DMGDH: variants seen among roughly 807,000 people sequenced by gnomAD.
DMGDH encodes dimethylglycine dehydrogenase, mitochondrial.
In DMGDH, 76 loss-of-function variants were observed where a neutral mutation model predicts 95.2. That is an observed-to-expected ratio of 0.80 (90% CI 0.66 to 0.97). DMGDH has a LOEUF of 0.97. Among genes scored for constraint, DMGDH ranks in the 50% least tolerant of loss-of-function variants. The probability of loss-of-function intolerance (pLI) is 0.00; values close to 1 mark genes in which losing one functional copy is unlikely to be tolerated. For missense variants in DMGDH, 987 were observed against 1,055.0 expected, an observed-to-expected ratio of 0.94 and a Z score of 0.89; for synonymous variants, 345 against 377.6, an observed-to-expected ratio of 0.91 and a Z score of 1.00.
At chr5:79,052,834 C>T (rs1422836916) in intron 4 of DMGDH, among the ~76,000 whole-genome samples, 1 of 152,176 alleles carries the variant, frequency 6.6e-6, no homozygotes, top group Non-Finnish European at 1.5e-5. Context: ...CAACTATAGA[C>T]AAGGGAGTGC....
In DMGDH at chr5:79,028,654, C is replaced by T. The variant is rs367920866; in HGVS notation, c.1815-4G>A. 1.4e-4 allele frequency: 225 copies of T among 1,613,760 alleles called. No individual in the cohort carries two copies. The highest frequency in any genetic ancestry group is 1.7e-4 in the Non-Finnish European group (198 of 1,179,876). ...GACTGCTTCTTCTTCAATCCATCTG[C>T]GTTTTAGTCATGAACATGGTGTTAA... On this transcript the variant is annotated splice_region_variant and splice_polypyrimidine_tract_variant and intron_variant, in intron 11 of 15. Coordinates refer to ENST00000255189, the MANE Select transcript of DMGDH (RefSeq NM_013391.3).
At chr5:78,998,493 T>C (rs937973534) in intron 15 of DMGDH, among the ~76,000 whole-genome samples, 196 bp from the exon 16 acceptor site, 1 of 152,208 alleles carries the variant, frequency 6.6e-6, no homozygotes, top group Non-Finnish European at 1.5e-5. Flanking sequence ...TTACAAATTA[T>C]GAAAAGTAAT....
intron 7 of DMGDH, among the ~76,000 whole-genome samples, chr5:79,035,527 CT>C (rs1483750972): frequency 6.6e-6 from 1 of 152,176 alleles, no homozygotes; most frequent in Non-Finnish European, 1.5e-5. Context: ...TGTTATCGGA[CT>C]TTCCTATCTT....
chr5:79,030,874 T>C lies in DMGDH; in HGVS notation c.1642A>G (p.Ile548Val), dbSNP rs1301864379. 6.8e-6 allele frequency: 11 copies of C among 1,614,126 alleles called. No homozygotes were observed. Among genetic ancestry groups the C allele is most frequent in the Non-Finnish European group, 9.3e-6 (11 of 1,180,016 alleles). Residue 548 changes from isoleucine (I) to valine (V), a missense_variant, in exon 10 of 16, where the codon ATT (isoleucine) becomes GTT (valine). Physicochemically the swap from Ile to Val is conservative, Grantham distance 29 (BLOSUM62 3). Transcript: ENST00000255189. ...GKFNIKGQDSIRLLDHLFANV... is the reference protein window; with the variant it reads ...GKFNIKGQDSVRLLDHLFANV... ...GCAAAGAGATGGTCCAGTAGTCTAA[T>C]GGAATCTTGGCCTTTGATGTTAAAC...
rs377183669 is a variant in DMGDH at position 79,011,851 on chromosome 5, GC to G, written c.2251-6445del. Among the ~76,000 whole-genome samples the G allele has an allele frequency of 3.5e-3, 530 of 152,206 alleles. 3 individuals are homozygous for G. The highest frequency in any genetic ancestry group is 0.012 in the African/African-American group (489 of 41,526). On this transcript the variant is annotated intron_variant, in intron 14 of 15. Coordinates refer to ENST00000255189, the MANE Select transcript of DMGDH (RefSeq NM_013391.3). ...GTGCTAAACCAGTCATGAGAAATCT[GC>G]CCCCATGATCCAATCACCTCTCATC...
intron 15 of DMGDH, chr5:79,000,708 C>T (rs1477897915): frequency 4.9e-6 from 3 of 618,378 alleles, no homozygotes; most frequent in Admixed American, 4.1e-5. Context: ...TTATTTTCTC[C>T]ACTCACAGGT....
intron 14 of DMGDH, 88 bp downstream of exon 14, chr5:79,024,183 T>C: frequency 8.5e-7 from 1 of 1,181,806 alleles, no homozygotes; most frequent in African/African-American, 1.5e-5. Context: ...TAATCCATAC[T>C]TGGTTAAATT....
At chr5:79,066,392 T>C (rs1175942281) in intron 1 of DMGDH, among the ~76,000 whole-genome samples, 1 of 152,022 alleles carries the variant, frequency 6.6e-6, no homozygotes, top group Non-Finnish European at 1.5e-5. Flanking sequence ...TTCATGCCAT[T>C]CTCCTGCCTC....
intron 4 of DMGDH, among the ~76,000 whole-genome samples, chr5:79,052,955 G>A (rs1754911264): frequency 6.6e-6 from 1 of 152,128 alleles, no homozygotes; most frequent in African/African-American, 2.4e-5. Context: ...AAATAAGCAT[G>A]TGTTTCCCCA....
chr5:79,013,293 A>G (rs966503068), intron 14 of DMGDH, among the ~76,000 whole-genome samples: 2 of 152,180 alleles, frequency 1.3e-5, no homozygotes, highest in South Asian at 2.1e-4. Flanking sequence ...TTATTTGCTA[A>G]TGCATAACAA....
chr5:79,066,030 T>G (rs1755369105), intron 1 of DMGDH, among the ~76,000 whole-genome samples: 1 of 152,218 alleles, frequency 6.6e-6, no homozygotes, highest in Non-Finnish European at 1.5e-5. Context: ...TTTTGCTAGT[T>G]TGGTAAGAAA....
chr5:79,063,823 G>A lies in DMGDH; in HGVS notation c.102-36C>T, dbSNP rs367751468. ...GAAAGTTAAAATGGGAACTTCAATC[G>A]GCAATGGTAGCTATAGTTCTGGCCT... On this transcript the variant is annotated intron_variant, in intron 1 of 15. Coordinates refer to ENST00000255189, the MANE Select transcript of DMGDH (RefSeq NM_013391.3). 5.2e-5 allele frequency: 83 copies of A among 1,606,538 alleles called. 2 individuals are homozygous for A. The highest frequency in any genetic ancestry group is 1.8e-4 in the Admixed American group (11 of 59,994).
chr5:79,005,724 G>A (rs573341869), intron 14 of DMGDH, among the ~76,000 whole-genome samples: 12 of 152,268 alleles, frequency 7.9e-5, no homozygotes, highest in African/African-American at 2.9e-4. Context: ...GTGTCTAATG[G>A]GTCTGGACAG....
chr5:79,025,540 CTCT>C (rs1753976168), intron 13 of DMGDH, among the ~76,000 whole-genome samples: 2 of 152,184 alleles, frequency 1.3e-5, no homozygotes, highest in African/African-American at 2.4e-5. Context: ...CCTAGACTCT[CTCT>C]ACTATCTATG....
chr5:78,998,392 A>C, intron 15 of DMGDH, 95 bp from the exon 16 acceptor site: 2 of 1,255,434 alleles, frequency 1.6e-6, no homozygotes, highest in Non-Finnish European at 2.3e-6. Context: ...GATTCAACTT[A>C]CAAAATGGAA....
rs188563302 is a variant in DMGDH at position 79,051,209 on chromosome 5, C to T, written c.745+78G>A. On this transcript the variant is annotated intron_variant, in intron 5 of 15. Coordinates refer to ENST00000255189, the MANE Select transcript of DMGDH (RefSeq NM_013391.3). The stretch of plus-strand genomic sequence containing the variant: ...CACAGTGCTTCATGACAATGTCCAT[C>T]GTACGAAACATTACGGCTAAATATC... 2.3e-4 allele frequency: 331 copies of T among 1,445,748 alleles called. 2 individuals are homozygous for T. The East Asian group carries it at 4.8e-3, about 21-fold the overall frequency. The allele number at this position is 1,445,748 out of a possible 1,614,324, so 89.6% of individuals were successfully genotyped here.
intron 7 of DMGDH, among the ~76,000 whole-genome samples, chr5:79,035,793 TA>T (rs1561218911): frequency 6.6e-6 from 1 of 152,194 alleles, no homozygotes; most frequent in Non-Finnish European, 1.5e-5. Context: ...GTAAATATTT[TA>T]CAAACAAGTT....
At chr5:79,042,224 T>C in intron 7 of DMGDH, 59 bp downstream of exon 7, 1 of 1,499,226 alleles carries the variant, frequency 6.7e-7, no homozygotes, top group Non-Finnish European at 9.3e-7. Flanking sequence ...AATATGGAAC[T>C]AGATTTAGCT....
At position 79,010,424 on chromosome 5, in the gene DMGDH, T is replaced by C. The variant is rs117160084; in HGVS notation, c.2251-5017A>G. ...TCTTGGACCTTTTCTTTTCCATCTA[T>C]ATGGAGTCAAAAACCCATCAGAAAA... On this transcript the variant is annotated intron_variant, in intron 14 of 15. Coordinates refer to ENST00000255189, the MANE Select transcript of DMGDH (RefSeq NM_013391.3). Among the ~76,000 whole-genome samples, 148 of 152,330 alleles carry C rather than the reference T, an allele frequency of 9.7e-4. No homozygotes were observed. In the East Asian group the frequency reaches 0.025, roughly 26 times the overall value.
Sources: allele counts gnomAD v4.1 joint callset (sites outside exome capture counted in the v4.1 genomes callset), GRCh38; gene constraint gnomAD v4.1.1; transcripts MANE v1.5; gene names NCBI Gene and HGNC (gene_info 2026-07-23, HGNC 2026-07-21).